ARHGEF38: variants seen among roughly 807,000 people sequenced by gnomAD.
ARHGEF38 encodes the protein Rho guanine nucleotide exchange factor (GEF) 38.
In ARHGEF38, 79 loss-of-function variants were observed where a neutral mutation model predicts 79.9. That is an observed-to-expected ratio of 0.99 (90% CI 0.82 to 1.19). The LOEUF (loss-of-function observed/expected upper bound fraction) is 1.19. Ranked by LOEUF, ARHGEF38 falls within the 50% of genes most tolerant of loss-of-function variation. ARHGEF38 has a pLI of 0.00. For missense variants in ARHGEF38, 962 were observed against 907.2 expected, an observed-to-expected ratio of 1.06 and a Z score of -0.78; for synonymous variants, 366 against 328.3, an observed-to-expected ratio of 1.11 and a Z score of -1.24.
At chr4:105,599,242 C>T (rs1229663766) in intron 2 of ARHGEF38, among the ~76,000 whole-genome samples, 1 of 152,126 alleles carries the variant, frequency 6.6e-6, no homozygotes, top group Non-Finnish European at 1.5e-5. Context: ...AAACTGTCCT[C>T]CTTGTTGTTA....
intron 1 of ARHGEF38, among the ~76,000 whole-genome samples, chr4:105,574,839 G>A (rs1299715277): frequency 6.6e-6 from 1 of 150,782 alleles, no homozygotes; most frequent in East Asian, 2.0e-4. Context: ...AACGTATGTT[G>A]TATCCAACAT....
At chr4:105,582,179 A>AAAAG (rs1726829045) in intron 1 of ARHGEF38, among the ~76,000 whole-genome samples, 1 of 151,412 alleles carries the variant, frequency 6.6e-6, no homozygotes, top group Admixed American at 6.6e-5. Flanking sequence ...AAAAAAAAAA[A>AAAAG]AATCTCGTAT....
intron 1 of ARHGEF38, among the ~76,000 whole-genome samples, chr4:105,588,849 C>T (rs890494757): frequency 6.6e-6 from 1 of 152,136 alleles, no homozygotes; most frequent in African/African-American, 2.4e-5. Context: ...TGACAAAATT[C>T]ATTTTCATTT....
At chr4:105,641,507 A>G (rs1000911505) in intron 5 of ARHGEF38, among the ~76,000 whole-genome samples, 16 of 152,060 alleles carry the variant, frequency 1.1e-4, no homozygotes, top group Non-Finnish European at 1.6e-4. Context: ...GTTTCCTTTA[A>G]AATTGACTTA....
Position 105,659,434 on chromosome 4 carries a change from G to A in ARHGEF38, c.1545+69G>A, listed in dbSNP as rs777628713. ...GATCTGCTAGAAACCACACCCATACGAAAGCCCTGTTCAGAGTGTGCACAT... is the reference window on the plus strand; with the variant it reads ...GATCTGCTAGAAACCACACCCATACAAAAGCCCTGTTCAGAGTGTGCACAT... On this transcript the variant is annotated intron_variant, in intron 10 of 13. Transcript: ENST00000420470. 21 of 1,425,312 alleles carry A rather than the reference G, an allele frequency of 1.5e-5. No homozygotes were observed. The East Asian group carries it at 1.7e-4, about 12-fold the overall frequency. The allele number at this position is 1,425,312 out of a possible 1,614,324, so 88.3% of individuals were successfully genotyped here. A position where few individuals can be genotyped will look rare whatever the true frequency, so the allele number is the denominator to read the frequency against.
Position 105,679,768 on chromosome 4 carries a change from T to C in ARHGEF38, c.*1831T>C. On this transcript the variant is annotated 3_prime_UTR_variant, in exon 14 of 14. Coordinates refer to ENST00000420470, the MANE Select transcript of ARHGEF38 (RefSeq NM_001242729.2). ...ACCTTTCTCTTGGTTGATAAAAACA[T>C]ATACAAACCCCTGTCTGTCCAGCTT... 1 of 943,472 alleles carries C rather than the reference T, an allele frequency of 1.1e-6. No homozygotes were observed. The highest frequency in any genetic ancestry group is 1.7e-6 in the Non-Finnish European group (1 of 577,398). The allele number at this position is 943,472 out of a possible 1,614,324, so 58.4% of individuals were successfully genotyped here.
intron 2 of ARHGEF38, among the ~76,000 whole-genome samples, chr4:105,607,829 G>C (rs761454750): frequency 7.4e-6 from 1 of 135,520 alleles, no homozygotes; most frequent in Non-Finnish European, 1.6e-5. Flanking sequence ...TTTAGGCAAG[G>C]CTGGATCCAA....
intron 3 of ARHGEF38, among the ~76,000 whole-genome samples, chr4:105,618,827 T>C (rs182685579): frequency 2.4e-4 from 37 of 152,300 alleles, no homozygotes; most frequent in Admixed American, 2.0e-3. Flanking sequence ...TTGAGAAACC[T>C]AGCAGAGGCC....
chr4:105,625,023 A>G (rs747324910), intron 3 of ARHGEF38, among the ~76,000 whole-genome samples: 1 of 152,200 alleles, frequency 6.6e-6, no homozygotes, highest in Non-Finnish European at 1.5e-5. Flanking sequence ...CCTTGACCAC[A>G]AGTTTTATTT....
At chr4:105,669,433 C>G (rs1173141415) in intron 13 of ARHGEF38, among the ~76,000 whole-genome samples, 1 of 152,112 alleles carries the variant, frequency 6.6e-6, no homozygotes, top group Non-Finnish European at 1.5e-5. Context: ...AAGTGTAAAA[C>G]AAATTCCTAA....
At chr4:105,556,016 G>A (rs1032000161) in intron 1 of ARHGEF38, among the ~76,000 whole-genome samples, 5 of 152,134 alleles carry the variant, frequency 3.3e-5, no homozygotes, top group African/African-American at 4.8e-5. Context: ...CATCAACATA[G>A]TCATTCCTAC....
At chr4:105,586,029 C>A (rs914276335) in intron 1 of ARHGEF38, among the ~76,000 whole-genome samples, 6 of 152,174 alleles carry the variant, frequency 3.9e-5, no homozygotes, top group African/African-American at 1.4e-4. Flanking sequence ...CTGCGCCAGG[C>A]CCCCTCGGTT....
At chr4:105,637,991 T>G (rs891518504) in intron 5 of ARHGEF38, among the ~76,000 whole-genome samples, 1 of 152,144 alleles carries the variant, frequency 6.6e-6, no homozygotes, top group Non-Finnish European at 1.5e-5. Flanking sequence ...AAGCCAAGTC[T>G]GCCATGAATT....
intron 3 of ARHGEF38, among the ~76,000 whole-genome samples, chr4:105,622,542 T>A (rs1728779280): frequency 6.6e-6 from 1 of 152,168 alleles, no homozygotes; most frequent in Non-Finnish European, 1.5e-5. Flanking sequence ...CAGTGAGGAT[T>A]CAGTTTGCCT....
chr4:105,659,122 C>A lies in ARHGEF38; in HGVS notation c.1302C>A (p.His434Gln), dbSNP rs756417430. 2 of 1,536,168 alleles carry A rather than the reference C, an allele frequency of 1.3e-6. No homozygotes were observed. The highest frequency in any genetic ancestry group is 1.2e-5 in the South Asian group (1 of 84,058). The change falls in exon 10 of 14, where the codon CAC becomes CAA. Residue 434 changes from histidine to glutamine, a missense_variant. Physicochemically the swap from His to Gln is conservative, Grantham distance 24. Transcript: ENST00000420470. The stretch of plus-strand genomic sequence containing the variant: ...TGCTGTCCTTATTCCCAGGGCCTCA[C>A]AAGCTCATCCAGAAACGCTATGACA... ...SALLSLFPGP[H>Q]KLIQKRYDKL...
At chr4:105,586,633 C>G (rs1163283661) in intron 1 of ARHGEF38, among the ~76,000 whole-genome samples, 2 of 152,156 alleles carry the variant, frequency 1.3e-5, no homozygotes, top group African/African-American at 4.8e-5. Context: ...ATTCCTTTGT[C>G]GACGATCAGG....
chr4:105,626,503 A>T (rs1728952377), intron 3 of ARHGEF38, among the ~76,000 whole-genome samples: 1 of 152,198 alleles, frequency 6.6e-6, no homozygotes, highest in African/African-American at 2.4e-5. Flanking sequence ...AACTTTCCCA[A>T]CTGTCACACA....
intron 1 of ARHGEF38, among the ~76,000 whole-genome samples, chr4:105,583,844 A>G (rs1340480993): frequency 1.3e-5 from 2 of 152,066 alleles, no homozygotes; most frequent in African/African-American, 4.8e-5. Flanking sequence ...GTGTCCTTGA[A>G]TTGTTAAGGG....
At position 105,666,714 on chromosome 4, in the gene ARHGEF38, G is replaced by A. The variant is rs533963929; in HGVS notation, c.1689+394G>A. Among the ~76,000 whole-genome samples, 3 of 152,160 alleles carry A rather than the reference G, an allele frequency of 2.0e-5. No homozygotes were observed. In the South Asian group the frequency reaches 6.2e-4, roughly 32 times the overall value. On this transcript the variant is annotated intron_variant, in intron 11 of 13. Coordinates refer to ENST00000420470, the MANE Select transcript of ARHGEF38 (RefSeq NM_001242729.2). ...CTCTTAGGGCCCGAGCTGAGGGGGG[G>A]AGTATAAGCGTCTTGATTCTTGTCT...
Sources: gnomAD v4.1 joint callset for allele counts (sites outside exome capture counted in the v4.1 genomes callset) on GRCh38, gnomAD v4.1.1 for gene constraint, MANE v1.5 for transcripts, NCBI Gene and HGNC (gene_info 2026-07-23, HGNC 2026-07-21) for gene names.